The following ERC1 variants were observed in gnomAD, a reference collection of about 807,000 sequenced individuals.
The protein encoded by ERC1 is ELKS/RAB6-interacting/CAST family member 1.
In ERC1, 56 loss-of-function variants were observed where a neutral mutation model predicts 132.0. That is an observed-to-expected ratio of 0.42 (90% CI 0.34 to 0.53). The LOEUF (loss-of-function observed/expected upper bound fraction) is 0.53. Among genes scored for constraint, ERC1 ranks in the 20% least tolerant of loss-of-function variants. The probability of loss-of-function intolerance (pLI) is 0.03; values close to 1 mark genes in which losing one functional copy is unlikely to be tolerated. For missense variants in ERC1, 1,202 were observed against 1,349.9 expected (o/e 0.89, Z 1.72); for synonymous variants, 478 against 476.1 (o/e 1.00, Z -0.05).
intron 15 of ERC1, among the ~76,000 whole-genome samples, chr12:1,333,031 C>T (rs1262498633): frequency 5.9e-5 from 8 of 135,626 alleles, no homozygotes; most frequent in Admixed American, 2.8e-4. Flanking sequence ...TCCTGATCCT[C>T]GTCCTGATCC....
intron 15 of ERC1, among the ~76,000 whole-genome samples, chr12:1,292,229 G>C (rs978311391): frequency 3.3e-5 from 5 of 152,066 alleles, no homozygotes; most frequent in African/African-American, 4.8e-5. Flanking sequence ...CTGTGAATTT[G>C]ACTGCCCTGA....
chr12:1,006,208 C>T (rs10849617), intron 1 of ERC1, among the ~76,000 whole-genome samples: 145,203 of 151,710 alleles, frequency 0.96, 69,786 homozygotes, highest in East Asian at 1. Flanking sequence ...CCACCCGCCT[C>T]GGCCTCCCAA....
chr12:1,260,853 C>T (rs554454876), intron 13 of ERC1, among the ~76,000 whole-genome samples: 1 of 152,142 alleles, frequency 6.6e-6, no homozygotes, highest in African/African-American at 2.4e-5. Flanking sequence ...TACTTATCAG[C>T]CATTTCCTTT....
chr12:1,227,806 A>C (rs1405887868), intron 12 of ERC1, among the ~76,000 whole-genome samples: 1 of 152,134 alleles, frequency 6.6e-6, no homozygotes, highest in Non-Finnish European at 1.5e-5. Context: ...TTTAAGTCTA[A>C]TCCATTTTGA....
intron 12 of ERC1, among the ~76,000 whole-genome samples, chr12:1,227,792 T>C (rs1352690611): frequency 3.3e-5 from 5 of 152,214 alleles, no homozygotes; most frequent in Admixed American, 2.6e-4. Flanking sequence ...TTTTAGGTCT[T>C]ATGTTTAAGT....
At chr12:1,179,568 C>T (rs533386672) in intron 8 of ERC1, among the ~76,000 whole-genome samples, 3 of 130,894 alleles carry the variant, frequency 2.3e-5, no homozygotes, top group Non-Finnish European at 4.6e-5. Flanking sequence ...AGTGCAGTGG[C>T]GGGATCTCGG....
intron 2 of ERC1, among the ~76,000 whole-genome samples, chr12:1,064,576 T>A (rs941371701): frequency 6.6e-6 from 1 of 152,180 alleles, no homozygotes; most frequent in African/African-American, 2.4e-5. Flanking sequence ...ACATTTTTTG[T>A]ATAGATAGGG....
chr12:1,218,842 A>ATG (rs1408799316), intron 12 of ERC1, among the ~76,000 whole-genome samples: 4 of 148,818 alleles, frequency 2.7e-5, no homozygotes, highest in African/African-American at 1.0e-4. Context: ...ATACACACAC[A>ATG]CACACACACA....
chr12:1,170,594 G>T (rs1300440070), intron 8 of ERC1, among the ~76,000 whole-genome samples: 1 of 152,156 alleles, frequency 6.6e-6, no homozygotes, highest in Non-Finnish European at 1.5e-5. Flanking sequence ...GCACAGGGAG[G>T]TCTGTCAATT....
chr12:1,489,793 C>A (rs1193736586), intron 18 of ERC1, among the ~76,000 whole-genome samples: 1 of 152,136 alleles, frequency 6.6e-6, no homozygotes, highest in Non-Finnish European at 1.5e-5. Flanking sequence ...TGCTCTCATG[C>A]ACGTTCATGA....
At chr12:1,207,699 A>G (rs73025611) in intron 12 of ERC1, among the ~76,000 whole-genome samples, 9,368 of 152,274 alleles carry the variant, frequency 0.062, 373 homozygotes, top group South Asian at 0.13. Context: ...TTATGCTATC[A>G]TGCATTGATA....
At chr12:1,161,219 G>A (rs750339102) in intron 8 of ERC1, among the ~76,000 whole-genome samples, 7 of 152,000 alleles carry the variant, frequency 4.6e-5, no homozygotes, top group African/African-American at 2.4e-5. Flanking sequence ...AATGGTATAC[G>A]GTGGGGCAAA....
At chr12:1,007,340 G>A (rs1397000909) in intron 1 of ERC1, among the ~76,000 whole-genome samples, 1 of 152,220 alleles carries the variant, frequency 6.6e-6, no homozygotes, top group Non-Finnish European at 1.5e-5. Context: ...AGGAGGCTAT[G>A]TGAGGAAGCC....
intron 8 of ERC1, among the ~76,000 whole-genome samples, chr12:1,156,735 G>A (rs972894429): frequency 6.6e-6 from 1 of 152,014 alleles, no homozygotes; most frequent in African/African-American, 2.4e-5. Context: ...GACTTGGTAG[G>A]CAATTCTGAA....
intron 12 of ERC1, among the ~76,000 whole-genome samples, chr12:1,217,208 C>T (rs992594460): frequency 2.6e-5 from 4 of 152,140 alleles, no homozygotes; most frequent in Non-Finnish European, 4.4e-5. Context: ...GCCAAGCCTG[C>T]GTTTTAAGGC....
At chr12:1,365,879 T>C (rs907638463) in intron 15 of ERC1, among the ~76,000 whole-genome samples, 2 of 152,162 alleles carry the variant, frequency 1.3e-5, no homozygotes, top group African/African-American at 2.4e-5. Context: ...TGGTGGAATA[T>C]TACTCAGCCT....
intron 16 of ERC1, among the ~76,000 whole-genome samples, chr12:1,385,506 G>T (rs771830003): frequency 4.6e-5 from 7 of 152,118 alleles, no homozygotes; most frequent in African/African-American, 1.7e-4. Flanking sequence ...GGATGGTCTC[G>T]ATCTCCTGAC....
At chr12:1,061,227 C>A (rs1937800455) in intron 2 of ERC1, among the ~76,000 whole-genome samples, 1 of 151,956 alleles carries the variant, frequency 6.6e-6, no homozygotes, top group South Asian at 2.1e-4. Flanking sequence ...TTTCCTTTTT[C>A]ATTTCAGATT....
At chr12:1,016,396 CTAT>C (rs1965506690) in intron 1 of ERC1, among the ~76,000 whole-genome samples, 2 of 152,082 alleles carry the variant, frequency 1.3e-5, no homozygotes, top group Admixed American at 6.6e-5. Flanking sequence ...TCATAAAGAG[CTAT>C]TATTATTTTT....
Sources: allele counts gnomAD v4.1 joint callset (sites outside exome capture counted in the v4.1 genomes callset), GRCh38; gene constraint gnomAD v4.1.1; transcripts MANE v1.5; gene names NCBI Gene and HGNC (gene_info 2026-07-23, HGNC 2026-07-21).